The following CD68 variants were observed in gnomAD, a reference collection of about 807,000 sequenced individuals.
CD68 encodes macrosialin.
Under a neutral mutation model 31.3 loss-of-function variants are expected in CD68, and 24 were observed. The ratio of observed to expected loss-of-function variants is 0.77; its 90% CI spans 0.55 to 1.08. CD68 has a LOEUF of 1.08. Ranked by LOEUF, CD68 falls within the 50% of genes least tolerant of loss-of-function variation. CD68 has a pLI of 0.00. For synonymous variants in CD68, 190 were observed against 179.6 expected (o/e 1.06, Z -0.46); for missense variants, 461 against 442.5 (o/e 1.04, Z -0.38).
rs766274226 is a variant in CD68, at chr17:7,580,418, C to T, written c.568-48C>T. 6.2e-7 allele frequency: 1 copy of T among 1,611,352 alleles called. No homozygotes were observed. The highest frequency in any genetic ancestry group is 1.1e-5 in the South Asian group (1 of 90,936). On this transcript the variant is annotated intron_variant, in intron 2 of 5. Coordinates refer to ENST00000250092, the MANE Select transcript of CD68 (RefSeq NM_001251.3). The surrounding 1 kb of genome is among the most constrained non-coding windows in gnomAD (Gnocchi z 4.3). The stretch of plus-strand genomic sequence containing the variant: ...AGGAAGAGGGGACAGGGAACCTTGG[C>T]CGGCATCGCATGCAGTCTTGTGACC...
Position 7,580,023 on chromosome 17 carries a change from A to G in CD68, c.263A>G (p.Asn88Ser). ...AACCCCACCACCACCAGCCATGGAA[A>G]CGTCACAGTTCATCCAACAAGCAAT... ...THNPTTTSHG[N>S]VTVHPTSNST... The change falls in exon 2 of 6, where the codon AAC (asparagine) becomes AGC (serine). Residue 88 changes from asparagine to serine, a missense_variant. Coordinates refer to ENST00000250092, the MANE Select transcript of CD68 (RefSeq NM_001251.3). The surrounding 1 kb of genome is among the most constrained non-coding windows in gnomAD (Gnocchi z 4.3). The G allele has an allele frequency of 6.2e-7, 1 of 1,613,946 alleles. No individual in the cohort carries two copies. Among genetic ancestry groups the G allele is most frequent in the South Asian group, 1.1e-5 (1 of 91,060 alleles).
At position 7,579,732 on chromosome 17, in the gene CD68, G is replaced by C. The variant is rs748678269; in HGVS notation, c.49+6G>C. 6.2e-7 allele frequency: 1 copy of C among 1,604,548 alleles called. No individual in the cohort carries two copies. Among genetic ancestry groups the C allele is most frequent in the Non-Finnish European group, 8.5e-7 (1 of 1,175,716 alleles). On this transcript the variant is annotated splice_donor_region_variant and intron_variant, in intron 1 of 5. Transcript: ENST00000250092. The stretch of plus-strand genomic sequence containing the variant: ...CCTGCTGGGGCTACTGGCAGGTAAG[G>C]AGGAAGGAGGCTGAGGGGAGGGGGC...
Position 7,580,382 on chromosome 17 carries a change from C to T in CD68, c.567+55C>T. On this transcript the variant is annotated intron_variant, in intron 2 of 5. Transcript: ENST00000250092. This position sits in a 1 kb window ranked among gnomAD's most constrained non-coding sequence, Gnocchi z 4.3. ...AGGGAGGCAGGACTGGATATAGGCT[C>T]AGAGGGAAGAAGGAAGAGGGGACAG... 1.2e-6 allele frequency: 2 copies of T among 1,609,028 alleles called. No individual in the cohort carries two copies. Among genetic ancestry groups the T allele is most frequent in the Non-Finnish European group, 8.5e-7 (1 of 1,176,592 alleles).
intron 5 of CD68, 46 bp downstream of exon 5, chr17:7,581,112 T>C: frequency 6.5e-7 from 1 of 1,529,532 alleles, no homozygotes. Context: ...CCCACTGCAC[T>C]GAAAACCCCT....
At position 7,581,611 on chromosome 17, in the gene CD68, T is replaced by G. The variant is rs1300787312; in HGVS notation, c.*100T>G. On this transcript the variant is annotated 3_prime_UTR_variant, in exon 6 of 6. Coordinates refer to ENST00000250092, the MANE Select transcript of CD68 (RefSeq NM_001251.3). ...AACTGGCTCAAAGACAATGTTATTT[T>G]CCTTCCCTTTCTTGAAGAACAAAAA... 1 of 1,292,022 alleles carries G rather than the reference T, an allele frequency of 7.7e-7. No individual in the cohort carries two copies. Among genetic ancestry groups the G allele is most frequent in the Non-Finnish European group, 1.1e-6 (1 of 915,356 alleles). The allele number at this position is 1,292,022 out of a possible 1,614,324, so 80.0% of individuals were successfully genotyped here.
At position 7,579,682 on chromosome 17, in the gene CD68, G is replaced by A. The variant is rs774021286; in HGVS notation, c.5G>A (p.Arg2Lys). M[R>K]LAVLFSGALL... Reference sequence around the variant, plus strand: ...TTTGGGTGAGGCGGTTCAGCCATGAGGCTGGCTGTGCTTTTCTCGGGGGCC... The same window carrying A: ...TTTGGGTGAGGCGGTTCAGCCATGAAGCTGGCTGTGCTTTTCTCGGGGGCC... Residue 2 changes from arginine (R) to lysine (K), a missense_variant, in exon 1 of 6, where the codon AGG becomes AAG. Arg to Lys is a conservative substitution (Grantham distance 26). Transcript: ENST00000250092. The A allele has an allele frequency of 1.2e-6, 2 of 1,603,810 alleles. No homozygotes were observed. Among genetic ancestry groups the A allele is most frequent in the Non-Finnish European group, 1.7e-6 (2 of 1,175,684 alleles).
chr17:7,580,253 G>C lies in CD68; in HGVS notation c.493G>C (p.Gly165Arg). 1 of 1,613,958 alleles carries C rather than the reference G, an allele frequency of 6.2e-7. No homozygotes were observed. Among genetic ancestry groups the C allele is most frequent in the African/African-American group, 1.3e-5 (1 of 74,958 alleles). ...ETIGDYTWTN[G>R]SQPCVHLQAQ... ...CATTGGAGACTACACGTGGACCAAT[G>C]GTTCCCAGCCCTGTGTCCACCTCCA... Residue 165 changes from glycine to arginine, a missense_variant, in exon 2 of 6, where the codon GGT becomes CGT. Gly to Arg is a moderately radical substitution (Grantham distance 125, BLOSUM62 -2). Transcript: ENST00000250092. This position sits in a 1 kb window ranked among gnomAD's most constrained non-coding sequence, Gnocchi z 4.3.
In CD68 at chr17:7,580,211, C is replaced by A. The variant is rs1183550538; in HGVS notation, c.451C>A (p.Pro151Thr). The A allele has an allele frequency of 6.2e-7, 1 of 1,613,496 alleles. No individual in the cohort carries two copies. Among genetic ancestry groups the A allele is most frequent in the African/African-American group, 1.3e-5 (1 of 74,684 alleles). ...ACCTCCACCCTCTCCGAGTCCTAGC[C>A]CAACCTCCAAGGAGACCATTGGAGA... ...EPPPPSPSPS[P>T]TSKETIGDYT... Residue 151 changes from proline to threonine, a missense_variant, in exon 2 of 6, where the codon CCA (proline) becomes ACA (threonine). Coordinates refer to ENST00000250092, the MANE Select transcript of CD68 (RefSeq NM_001251.3). This position sits in a 1 kb window ranked among gnomAD's most constrained non-coding sequence, Gnocchi z 4.3.
chr17:7,580,812 C>T lies in CD68; in HGVS notation c.760+29C>T. ...AGTAACCTCCTTCCCTTTCTCATTG[C>T]TACCACTAGACGCCAGGGTTCCTGA... On this transcript the variant is annotated intron_variant, in intron 4 of 5. Coordinates refer to ENST00000250092, the MANE Select transcript of CD68 (RefSeq NM_001251.3). This position sits in a 1 kb window ranked among gnomAD's most constrained non-coding sequence, Gnocchi z 4.3. 6.2e-7 allele frequency: 1 copy of T among 1,613,634 alleles called. No homozygotes were observed.
rs1244597913 is a variant in CD68 at position 7,580,762 on chromosome 17, G to A, written c.739G>A (p.Val247Met). 2 of 1,614,020 alleles carry A rather than the reference G, an allele frequency of 1.2e-6. No homozygotes were observed. Among genetic ancestry groups the A allele is most frequent in the South Asian group, 2.2e-5 (2 of 91,068 alleles). The change falls in exon 4 of 6, where the codon GTG becomes ATG. Residue 247 changes from valine (V) to methionine (M), a missense_variant. Transcript: ENST00000250092. This position sits in a 1 kb window ranked among gnomAD's most constrained non-coding sequence, Gnocchi z 4.3. ...GAGCTACATGGCGGTGGAGTACAAT[G>A]TGTCCTTCCCCCACGCAGCACGTAA... is the stretch of plus-strand genomic sequence containing the variant. ...YLSYMAVEYN[V>M]SFPHAAQWTF...
In CD68 at chr17:7,581,944, A is replaced by G. The variant is rs1268273790; in HGVS notation, c.*433A>G. The G allele has an allele frequency of 6.0e-6, 1 of 167,300 alleles. No individual in the cohort carries two copies. Among genetic ancestry groups the G allele is most frequent in the Non-Finnish European group, 1.3e-5 (1 of 76,256 alleles). The allele number at this position is 167,300 out of a possible 1,614,324, so 10.4% of individuals were successfully genotyped here. A position where few individuals can be genotyped will look rare whatever the true frequency, so the allele number is the denominator to read the frequency against. ...GGGCGACAGAGCCAGACTGTCTCAA[A>G]TAAATAAATATGAGATAATGCAGTC... is the stretch of plus-strand genomic sequence containing the variant. On this transcript the variant is annotated 3_prime_UTR_variant, in exon 6 of 6. Transcript: ENST00000250092.
chr17:7,581,628 GAACA>G lies in CD68; in HGVS notation c.*120_*123del. 8.5e-7 allele frequency: 1 copy of G among 1,172,428 alleles called. No individual in the cohort carries two copies. Among genetic ancestry groups the G allele is most frequent in the Non-Finnish European group, 1.2e-6 (1 of 827,020 alleles). 72.6% of individuals were successfully genotyped at this position (1,172,428 alleles called of 1,614,324 possible). ...TGTTATTTTCCTTCCCTTTCTTGAA[GAACA>G]AAAAGAAAGCCGGGCATGACGGCTC... On this transcript the variant is annotated 3_prime_UTR_variant, in exon 6 of 6. Transcript: ENST00000250092.
chr17:7,580,661 C>T lies in CD68; in HGVS notation c.688-50C>T, dbSNP rs370940832. On this transcript the variant is annotated intron_variant, in intron 3 of 5. Coordinates refer to ENST00000250092, the MANE Select transcript of CD68 (RefSeq NM_001251.3). The surrounding 1 kb of genome is among the most constrained non-coding windows in gnomAD (Gnocchi z 4.3). The stretch of plus-strand genomic sequence containing the variant: ...CCCCTCCCAATCCCACACGCTACTC[C>T]TTCCTCTGTGGAGAGGGATACCACC... 4.3e-5 allele frequency: 69 copies of T among 1,613,626 alleles called. No individual in the cohort carries two copies. The highest frequency in any genetic ancestry group is 6.7e-5 in the African/African-American group (5 of 74,870).
In CD68 at chr17:7,581,778, G is replaced by C. The variant is rs2071488453; in HGVS notation, c.*267G>C. ...CTCTACTAAAAATACAATTAGCCAG[G>C]TGTGGCGGCGTAATCCCAGCTGGCC... On this transcript the variant is annotated 3_prime_UTR_variant, in exon 6 of 6. Transcript: ENST00000250092. 3 of 377,840 alleles carry C rather than the reference G, an allele frequency of 7.9e-6. No homozygotes were observed. The East Asian group carries it at 1.7e-4, about 22-fold the overall frequency. 23.4% of individuals were successfully genotyped at this position (377,840 alleles called of 1,614,324 possible). A position where few individuals can be genotyped will look rare whatever the true frequency, so the allele number is the denominator to read the frequency against.
Position 7,581,472 on chromosome 17 carries a change from C to G in CD68, c.1026C>G (p.Cys342Trp). Residue 342 changes from cysteine (C) to tryptophan (W), a missense_variant, in exon 6 of 6, where the codon TGC (cysteine) becomes TGG (tryptophan). Transcript: ENST00000250092. ...GLLALVLIAF[C>W]IIRRRPSAYQ... ...TCGCCCTGGTGCTTATTGCTTTCTG[C>G]ATCATCCGGAGACGCCCATCCGCCT... 6.2e-7 allele frequency: 1 copy of G among 1,613,952 alleles called. No homozygotes were observed. The highest frequency in any genetic ancestry group is 8.5e-7 in the Non-Finnish European group (1 of 1,179,916).
Position 7,579,945 on chromosome 17 carries a change from A to G in CD68, c.185A>G (p.His62Arg), listed in dbSNP as rs143998725. 21 of 1,613,546 alleles carry G rather than the reference A, an allele frequency of 1.3e-5. No individual in the cohort carries two copies. The African/African-American group carries it at 2.8e-4, about 22-fold the overall frequency. Residue 62 changes from histidine to arginine, a missense_variant, in exon 2 of 6, where the codon CAC (histidine) becomes CGC (arginine). Physicochemically the swap from His to Arg is conservative, Grantham distance 29. Transcript: ENST00000250092. ...ACCAAGAGCCACAAAACCACCACTC[A>G]CAGGACAACCACCACAGGCACCACC... ...RTTKSHKTTTHRTTTTGTTSH... is the reference protein window; with the variant it reads ...RTTKSHKTTTRRTTTTGTTSH...
Position 7,579,838 on chromosome 17 carries a change from C to CA in CD68, c.84dup (p.Ser29IlefsTer69). 2 of 1,613,828 alleles carry CA rather than the reference C, an allele frequency of 1.2e-6. No homozygotes were observed. The highest frequency in any genetic ancestry group is 1.3e-5 in the African/African-American group (1 of 74,940). Reference sequence around the variant, plus strand: ...AGGGGACAGGGAATGACTGTCCTCACAAAAAATCAGCTACTTTGCTGCCAT... The same window carrying CA: ...AGGGGACAGGGAATGACTGTCCTCACAAAAAAATCAGCTACTTTGCTGCCAT... On this transcript the variant is annotated frameshift_variant, in exon 2 of 6. Transcript: ENST00000250092. LOFTEE classifies it high-confidence loss of function.
Position 7,581,558 on chromosome 17 carries a change from G to A in CD68, c.*47G>A, listed in dbSNP as rs2071485728. 7 of 1,599,624 alleles carry A rather than the reference G, an allele frequency of 4.4e-6. No homozygotes were observed. Among genetic ancestry groups the A allele is most frequent in the Non-Finnish European group, 4.3e-6 (5 of 1,167,622 alleles). On this transcript the variant is annotated 3_prime_UTR_variant, in exon 6 of 6. Coordinates refer to ENST00000250092, the MANE Select transcript of CD68 (RefSeq NM_001251.3). ...GCACTGAGGGGGTTGGGGTGTGGTG[G>A]GGGGGTACCCTTATTTCCTCGACAC...
At position 7,581,386 on chromosome 17, in the gene CD68, T is replaced by G; in HGVS notation, c.940T>G (p.Cys314Gly). 6.2e-7 allele frequency: 1 copy of G among 1,614,144 alleles called. No homozygotes were observed. The highest frequency in any genetic ancestry group is 2.2e-5 in the East Asian group (1 of 44,870). ...HTGVFGQSFS[C>G]PSDRSILLPL... Reference sequence around the variant, plus strand: ...CCCTATCCTTCCGCCAGGTTTCTCCTGCCCCAGTGACCGGTCCATCTTGCT... The same window carrying G: ...CCCTATCCTTCCGCCAGGTTTCTCCGGCCCCAGTGACCGGTCCATCTTGCT... The change falls in exon 6 of 6, where the codon TGC becomes GGC. Residue 314 changes from cysteine to glycine, a missense_variant. Physicochemically the swap from Cys to Gly is radical, Grantham distance 159. Transcript: ENST00000250092.
Sources: gnomAD v4.1 joint callset for allele counts on GRCh38, gnomAD v4.1.1 for gene constraint, Gnocchi (gnomAD v3.1) non-coding constraint, MANE v1.5 for transcripts, NCBI Gene and HGNC (gene_info 2026-07-23, HGNC 2026-07-21) for gene names.